The following COL23A1 variants were observed in gnomAD, a reference collection of about 807,000 sequenced individuals.
The protein encoded by COL23A1 is collagen type XXIII alpha 1 chain.
Under a neutral mutation model 99.3 loss-of-function variants are expected in COL23A1, and 97 were observed. That is an observed-to-expected ratio of 0.98 (90% CI 0.83 to 1.16). The LOEUF (loss-of-function observed/expected upper bound fraction) is 1.16. Among genes scored for constraint, COL23A1 ranks in the 50% most tolerant of loss-of-function variants. The probability of loss-of-function intolerance (pLI) is 0.00; values close to 1 mark genes in which losing one functional copy is unlikely to be tolerated. For missense variants in COL23A1, 762 were observed against 757.4 expected, an observed-to-expected ratio of 1.01 and a Z score of -0.07; for synonymous variants, 320 against 308.2, an observed-to-expected ratio of 1.04 and a Z score of -0.40.
At chr5:178,372,029 A>C (rs1172984564) in intron 2 of COL23A1, among the ~76,000 whole-genome samples, 1 of 152,272 alleles carries the variant, frequency 6.6e-6, no homozygotes, top group Non-Finnish European at 1.5e-5. Flanking sequence ...CGTGACCCAC[A>C]GATGTTTTGT....
chr5:178,576,230 G>T (rs1414909055), intron 1 of COL23A1, among the ~76,000 whole-genome samples: 1 of 152,102 alleles, frequency 6.6e-6, no homozygotes, highest in Admixed American at 6.6e-5. Flanking sequence ...GCCCACTGGC[G>T]TTGCCATTCA....
intron 2 of COL23A1, among the ~76,000 whole-genome samples, chr5:178,432,090 G>C (rs967709723): frequency 6.6e-6 from 1 of 152,182 alleles, no homozygotes; most frequent in Admixed American, 6.5e-5. Context: ...GTAAGGTCTT[G>C]GAATAAAATC....
chr5:178,537,959 C>CT, intron 2 of COL23A1, among the ~76,000 whole-genome samples: 1 of 152,366 alleles, frequency 6.6e-6, no homozygotes, highest in African/African-American at 2.4e-5. Context: ...CAGGTACCTC[C>CT]TATGAGTGGA....
chr5:178,380,900 G>A (rs1166306654), intron 2 of COL23A1, among the ~76,000 whole-genome samples: 3 of 152,250 alleles, frequency 2.0e-5, no homozygotes, highest in African/African-American at 7.2e-5. Flanking sequence ...AGCAGGGCAG[G>A]GGAGTGGGGA....
At chr5:178,267,451 T>C in intron 7 of COL23A1, 118 bp from the exon 8 acceptor site, 1 of 992,364 alleles carries the variant, frequency 1.0e-6, no homozygotes, top group African/African-American at 1.6e-5. Context: ...CCAACAAAAA[T>C]AGCAGGCAGG....
At position 178,309,039 on chromosome 5, in the gene COL23A1, C is replaced by G. The variant is rs1467942330; in HGVS notation, c.362-2120G>C. ...CCGGGCCCCAGGCAGAGTGAGGGGGCATGGCAGGAAAGGGGCCAGGAATGG... is the reference window on the plus strand; with the variant it reads ...CCGGGCCCCAGGCAGAGTGAGGGGGGATGGCAGGAAAGGGGCCAGGAATGG... On this transcript the variant is annotated intron_variant, in intron 2 of 28. Transcript: ENST00000390654. The surrounding 1 kb of genome is among the most constrained non-coding windows in gnomAD (Gnocchi z 4.7). 6.6e-6 allele frequency among the ~76,000 whole-genome samples: 1 copy of G among 152,150 alleles called. No homozygotes were observed. The highest frequency in any genetic ancestry group is 1.5e-5 in the Non-Finnish European group (1 of 68,004).
chr5:178,359,980 A>G (rs1478251594), intron 2 of COL23A1, among the ~76,000 whole-genome samples: 4 of 152,168 alleles, frequency 2.6e-5, no homozygotes, highest in African/African-American at 7.2e-5. Flanking sequence ...CGGGAGCGGA[A>G]AAGCTTTTCC....
At chr5:178,409,503 T>C (rs959189388) in intron 2 of COL23A1, among the ~76,000 whole-genome samples, 3 of 152,028 alleles carry the variant, frequency 2.0e-5, no homozygotes, top group African/African-American at 7.2e-5. Flanking sequence ...TGTGTGTGTG[T>C]GATAAAATGG....
In COL23A1 at chr5:178,397,540, G is replaced by A. The variant is rs375960715; in HGVS notation, c.362-90621C>T. Among the ~76,000 whole-genome samples, 32 of 152,298 alleles carry A rather than the reference G, an allele frequency of 2.1e-4. 2 individuals carry two copies. In the South Asian group the frequency reaches 5.2e-3, roughly 25 times the overall value. On this transcript the variant is annotated intron_variant, in intron 2 of 28. Coordinates refer to ENST00000390654, the MANE Select transcript of COL23A1 (RefSeq NM_173465.4). ...CCCCCAGACACACCTGCCTGTTCACGGGCATCCGCCCCCACTCATGCCGCT... is the reference window on the plus strand; with the variant it reads ...CCCCCAGACACACCTGCCTGTTCACAGGCATCCGCCCCCACTCATGCCGCT...
chr5:178,559,221 C>G (rs976997706), intron 2 of COL23A1, among the ~76,000 whole-genome samples: 1 of 152,240 alleles, frequency 6.6e-6, no homozygotes, highest in East Asian at 1.9e-4. Flanking sequence ...ACCTGGCCCT[C>G]AGAGACGGAA....
At chr5:178,456,660 T>G (rs536539808) in intron 2 of COL23A1, among the ~76,000 whole-genome samples, 4 of 152,220 alleles carry the variant, frequency 2.6e-5, no homozygotes, top group African/African-American at 9.6e-5. Context: ...ATCGCACCAT[T>G]GCACTCCAGC....
chr5:178,475,532 G>A (rs540296453), intron 2 of COL23A1, among the ~76,000 whole-genome samples: 1 of 152,328 alleles, frequency 6.6e-6, no homozygotes, highest in East Asian at 1.9e-4. Flanking sequence ...ATGTTTTACA[G>A]TAATTTGTTT....
chr5:178,519,203 C>G lies in COL23A1; in HGVS notation c.361+41479G>C, dbSNP rs1448478692. On this transcript the variant is annotated intron_variant, in intron 2 of 28. Coordinates refer to ENST00000390654, the MANE Select transcript of COL23A1 (RefSeq NM_173465.4). ...TCACCAATTTTATCATCTTCCCTCTCTGCCCGCAGCCCCATTTTGTAGATG... is the reference window on the plus strand; with the variant it reads ...TCACCAATTTTATCATCTTCCCTCTGTGCCCGCAGCCCCATTTTGTAGATG... Among the ~76,000 whole-genome samples, 5 of 152,402 alleles carry G rather than the reference C, an allele frequency of 3.3e-5. No individual in the cohort carries two copies. The East Asian group carries it at 9.6e-4, about 29-fold the overall frequency.
intron 2 of COL23A1, among the ~76,000 whole-genome samples, chr5:178,547,490 C>T (rs28447464): frequency 0.022 from 3,226 of 145,290 alleles, 59 homozygotes; most frequent in Middle Eastern, 0.061. Context: ...CACACACACC[C>T]ACACATCCCC....
chr5:178,401,855 G>A (rs1487550888), intron 2 of COL23A1, among the ~76,000 whole-genome samples: 1 of 152,016 alleles, frequency 6.6e-6, no homozygotes, highest in African/African-American at 2.4e-5. Flanking sequence ...CGCTCTTGTT[G>A]CCCAGGCTGG....
intron 2 of COL23A1, among the ~76,000 whole-genome samples, chr5:178,492,749 C>A (rs1757998232): frequency 6.6e-6 from 1 of 151,906 alleles, no homozygotes. Flanking sequence ...GAGGCCCCAC[C>A]TCACAACAGA....
At chr5:178,250,187 T>C (rs1764959027) in intron 17 of COL23A1, 82 bp from the exon 18 acceptor site, 2 of 1,542,044 alleles carry the variant, frequency 1.3e-6, no homozygotes, top group Non-Finnish European at 1.8e-6. Flanking sequence ...GGACACACTG[T>C]GCACCCGGCC....
In COL23A1 at chr5:178,518,648, T is replaced by A. The variant is rs1377420357; in HGVS notation, c.361+42034A>T. 3.0e-3 allele frequency among the ~76,000 whole-genome samples: 309 copies of A among 103,704 alleles called. 1 individual carries two copies. Among genetic ancestry groups the A allele is most frequent in the African/African-American group, 0.012 (239 of 20,006 alleles). 68.0% of individuals were successfully genotyped at this position (103,704 alleles called of 152,430 possible). On this transcript the variant is annotated intron_variant, in intron 2 of 28. Coordinates refer to ENST00000390654, the MANE Select transcript of COL23A1 (RefSeq NM_173465.4). ...GCGGCCGGGCAGAGACGCTCCTCAC[T>A]TCCTAGATGGGATGGCGGCCGGGCG... is the stretch of plus-strand genomic sequence containing the variant.
chr5:178,430,838 T>G (rs1766221918), intron 2 of COL23A1, among the ~76,000 whole-genome samples: 1 of 152,076 alleles, frequency 6.6e-6, no homozygotes, highest in Admixed American at 6.5e-5. Context: ...GCCTTGTGGT[T>G]GCTAGGTATG....
Sources: gnomAD v4.1 joint callset for allele counts (sites outside exome capture counted in the v4.1 genomes callset) on GRCh38, gnomAD v4.1.1 for gene constraint, Gnocchi (gnomAD v3.1) non-coding constraint, MANE v1.5 for transcripts, NCBI Gene and HGNC (gene_info 2026-07-23, HGNC 2026-07-21) for gene names.